The following TCF4 variants were observed in gnomAD, a reference collection of about 807,000 sequenced individuals.
TCF4 encodes SL3-3 enhancer factor 2.
TCF4 carries 3 observed loss-of-function variants against 82.1 expected under a neutral mutation model. The observed-to-expected ratio is 0.04, with a 90% confidence interval of 0.02 to 0.09. The LOEUF (loss-of-function observed/expected upper bound fraction) is 0.09, where lower values mean the gene tolerates loss of function less well. TCF4 is among the 10% of genes least tolerant of loss of function. The probability of loss-of-function intolerance (pLI) is 1.00; values close to 1 mark genes in which losing one functional copy is unlikely to be tolerated. For synonymous variants in TCF4, 276 were observed against 309.6 expected (o/e 0.89, Z 1.14); for missense variants, 518 against 852.7 (o/e 0.61, Z 4.89).
At chr18:55,573,298 C>CA (rs34330994) in intron 3 of TCF4, among the ~76,000 whole-genome samples, 1,720 of 106,926 alleles carry the variant, frequency 0.016, 14 homozygotes, top group African/African-American at 0.028. Context: ...GAAGTTTCAC[C>CA]AAAAAAAAAA....
At chr18:55,444,802 A>G (rs929225282) in intron 5 of TCF4, among the ~76,000 whole-genome samples, 2 of 152,178 alleles carry the variant, frequency 1.3e-5, no homozygotes, top group African/African-American at 4.8e-5. Flanking sequence ...ATTATTTCCA[A>G]AACTGAACTG....
Position 55,399,874 on chromosome 18 carries a change from T to TCA in TCF4, c.369+3579_369+3580insTG, listed in dbSNP as rs1393604207. On this transcript the variant is annotated intron_variant, in intron 6 of 19. Coordinates refer to ENST00000354452, the MANE Select transcript of TCF4 (RefSeq NM_001083962.2). ...CCCCATCTCTCTCTCTCTCTCTCTCTCTCTCTCACACACACACACACACAC... is the reference window on the plus strand; with the variant it reads ...CCCCATCTCTCTCTCTCTCTCTCTCTCACTCTCTCACACACACACACACACAC... Among the ~76,000 whole-genome samples, 145 of 130,118 alleles carry TCA rather than the reference T, an allele frequency of 1.1e-3. No individual in the cohort carries two copies. In the South Asian group the frequency reaches 0.015, roughly 14 times the overall value. The allele number at this position is 130,118 out of a possible 152,430, so 85.4% of individuals were successfully genotyped here. A position where few individuals can be genotyped will look rare whatever the true frequency, so the allele number is the denominator to read the frequency against.
At chr18:55,246,795 A>G (rs2053391420) in intron 15 of TCF4, among the ~76,000 whole-genome samples, 1 of 152,140 alleles carries the variant, frequency 6.6e-6, no homozygotes, top group Admixed American at 6.5e-5. Context: ...CTGCTCTCCG[A>G]AATACTTGAT....
rs142582702 is a variant in TCF4, at chr18:55,499,601, T to C, written c.146-35464A>G. Among the ~76,000 whole-genome samples, 531 of 152,248 alleles carry C rather than the reference T, an allele frequency of 3.5e-3. 1 individual carries two copies. Among genetic ancestry groups the C allele is most frequent in the Admixed American group, 8.3e-3 (127 of 15,296 alleles). On this transcript the variant is annotated intron_variant, in intron 3 of 19. Transcript: ENST00000354452. The stretch of plus-strand genomic sequence containing the variant: ...ACTACTCCCCCCACCAACAATTTAA[T>C]TGGGGGTGGGGTCAAACATCAGTAT...
At chr18:55,600,222 C>G (rs1233790338) in intron 2 of TCF4, among the ~76,000 whole-genome samples, 1 of 152,050 alleles carries the variant, frequency 6.6e-6, no homozygotes. Context: ...GAATATGTAC[C>G]TAGGATACAC....
rs998807016 is a variant in TCF4 at position 55,321,490 on chromosome 18, G to C, written c.549+28869C>G. The C allele has an allele frequency of 6.6e-6, 6 of 909,904 alleles. No individual in the cohort carries two copies. The East Asian group carries it at 1.3e-4, about 20-fold the overall frequency. The allele number at this position is 909,904 out of a possible 1,614,324, so 56.4% of individuals were successfully genotyped here. ...GGGAGGAGTGGGGGGAAAAAAAGAC[G>C]AAGGAGAAGAAGTAGGCAAGAAGAA... On this transcript the variant is annotated intron_variant, in intron 8 of 19. Transcript: ENST00000354452.
rs752325141 is a variant in TCF4, at chr18:55,228,252, G to A, written c.1989C>T (p.Asp663=). ...ACATCTGTCCCATGTGATTCGATGC[G>A]TCTCCCATTCCAGGGTGTGGGCCGG... ...SLAGPHPGMG[D]ASNHMGQM is the part of the protein sequence containing the mutation. The change falls in exon 19 of 20, where the codon GAC becomes GAT. Residue 663 remains aspartate, a synonymous_variant. Transcript: ENST00000354452. The A allele has an allele frequency of 1.3e-5, 21 of 1,613,996 alleles. No individual in the cohort carries two copies. In the Admixed American group the frequency reaches 1.5e-4, roughly 12 times the overall value.
chr18:55,507,231 C>G (rs2096772106), intron 3 of TCF4, among the ~76,000 whole-genome samples: 2 of 152,164 alleles, frequency 1.3e-5, no homozygotes, highest in South Asian at 4.1e-4. Context: ...TTTGGCATAT[C>G]TGAATTGCCA....
At chr18:55,612,952 A>AT (rs1223903551) in intron 2 of TCF4, among the ~76,000 whole-genome samples, 1 of 151,890 alleles carries the variant, frequency 6.6e-6, no homozygotes, top group Admixed American at 6.6e-5. Context: ...TGTCTCAAAA[A>AT]ATATATATAT....
chr18:55,283,701 C>T (rs2063089649), intron 8 of TCF4, among the ~76,000 whole-genome samples: 1 of 152,190 alleles, frequency 6.6e-6, no homozygotes, highest in Non-Finnish European at 1.5e-5. Flanking sequence ...TTACTTTTAA[C>T]TCTGGTCCTC....
intron 1 of TCF4, among the ~76,000 whole-genome samples, chr18:55,634,593 AG>A (rs1433450496): frequency 6.6e-6 from 1 of 152,172 alleles, no homozygotes; most frequent in African/African-American, 2.4e-5. Flanking sequence ...GCCATACTGA[AG>A]GGCATTGGAT....
chr18:55,418,537 G>A (rs1431806527), intron 5 of TCF4, among the ~76,000 whole-genome samples: 1 of 152,128 alleles, frequency 6.6e-6, no homozygotes, highest in Non-Finnish European at 1.5e-5. Flanking sequence ...ATTTCATTAA[G>A]TGCTTTTCAA....
intron 3 of TCF4, among the ~76,000 whole-genome samples, chr18:55,529,464 C>T (rs573745913): frequency 4.6e-5 from 7 of 152,124 alleles, no homozygotes; most frequent in East Asian, 1.9e-4. Flanking sequence ...AGAGAGAGAA[C>T]GAGAGAATGT....
At chr18:55,384,441 T>C (rs1257435742) in intron 6 of TCF4, among the ~76,000 whole-genome samples, 1 of 152,150 alleles carries the variant, frequency 6.6e-6, no homozygotes, top group Admixed American at 6.5e-5. Context: ...CTACCCCCAG[T>C]GTCATCAGTA....
intron 1 of TCF4, chr18:55,631,496 G>C: frequency 1.7e-6 from 2 of 1,190,084 alleles, no homozygotes; most frequent in Non-Finnish European, 2.3e-6. Flanking sequence ...TTGGGTTAGG[G>C]TAATGCCCTA....
intron 3 of TCF4, among the ~76,000 whole-genome samples, chr18:55,519,425 C>A (rs1469943058): frequency 1.3e-5 from 2 of 149,338 alleles, no homozygotes; most frequent in African/African-American, 4.9e-5. Context: ...CAGAGTGAGA[C>A]CCCGTCTCAA....
intron 11 of TCF4, 43 bp downstream of exon 11, chr18:55,269,788 G>T: frequency 6.2e-7 from 1 of 1,612,032 alleles, no homozygotes; most frequent in South Asian, 1.1e-5. Flanking sequence ...ATTAAACTCT[G>T]ACACCAATTG....
At chr18:55,393,743 T>C (rs2093322808) in intron 6 of TCF4, among the ~76,000 whole-genome samples, 1 of 152,192 alleles carries the variant, frequency 6.6e-6, no homozygotes, top group Admixed American at 6.5e-5. Context: ...GAAAGTAACT[T>C]ACCATCAAAG....
chr18:55,596,690 CT>C (rs1252482424), intron 2 of TCF4, among the ~76,000 whole-genome samples: 2 of 152,090 alleles, frequency 1.3e-5, no homozygotes, highest in African/African-American at 4.8e-5. Context: ...TTTAGATCAA[CT>C]TTTTGTTTTT....
Sources: allele counts gnomAD v4.1 joint callset (sites outside exome capture counted in the v4.1 genomes callset), GRCh38; gene constraint gnomAD v4.1.1; transcripts MANE v1.5; gene names NCBI Gene and HGNC (gene_info 2026-07-23, HGNC 2026-07-21).